The following MYO3B variants were observed in gnomAD, a reference collection of about 807,000 sequenced individuals.
The protein encoded by MYO3B is myosin-IIIb.
A neutral mutation model predicts 174.6 loss-of-function variants in MYO3B; 156 were observed. That is an observed-to-expected ratio of 0.89 (90% CI 0.78 to 1.02). MYO3B has a LOEUF of 1.02. MYO3B is among the 50% of genes least tolerant of loss of function. MYO3B has a pLI of 0.00. For synonymous variants in MYO3B, 563 were observed against 569.1 expected, an observed-to-expected ratio of 0.99 and a Z score of 0.15; for missense variants, 1,632 against 1,639.4, an observed-to-expected ratio of 1.00 and a Z score of 0.08.
intron 32 of MYO3B, among the ~76,000 whole-genome samples, chr2:170,606,555 G>A (rs1203352113): frequency 6.6e-6 from 1 of 152,138 alleles, no homozygotes; most frequent in Non-Finnish European, 1.5e-5. Flanking sequence ...TCCATCACTA[G>A]AATGAATGAA....
In MYO3B at chr2:170,509,046, A is replaced by G. The variant is rs188046608; in HGVS notation, c.3371-5875A>G. Among the ~76,000 whole-genome samples, 325 of 152,282 alleles carry G rather than the reference A, an allele frequency of 2.1e-3. 3 individuals carry two copies. The highest frequency in any genetic ancestry group is 7.3e-3 in the African/African-American group (304 of 41,532). On this transcript the variant is annotated intron_variant, in intron 28 of 34. Transcript: ENST00000408978. ...AAAAAAGTCTGTGAAATACTCTTCT[A>G]TGGAGGACATAATAATGCTGTAACT...
chr2:170,357,961 T>C (rs1261577406), intron 8 of MYO3B, among the ~76,000 whole-genome samples: 1 of 152,188 alleles, frequency 6.6e-6, no homozygotes, highest in East Asian at 1.9e-4. Context: ...GAGACCAGGC[T>C]GACCAACATG....
chr2:170,490,526 G>A (rs1413695431), intron 25 of MYO3B, among the ~76,000 whole-genome samples: 1 of 147,786 alleles, frequency 6.8e-6, no homozygotes, highest in African/African-American at 2.7e-5. Flanking sequence ...AAACATGGAT[G>A]TTATTTTTTT....
At chr2:170,439,269 G>C (rs1373474420) in intron 22 of MYO3B, among the ~76,000 whole-genome samples, 2 of 151,832 alleles carry the variant, frequency 1.3e-5, no homozygotes, top group Admixed American at 6.6e-5. Flanking sequence ...CTACTCAGGA[G>C]GCTGAGGCAG....
chr2:170,646,885 A>G, intron 32 of MYO3B: 3 of 1,342,326 alleles, frequency 2.2e-6, no homozygotes, highest in South Asian at 2.3e-5. Context: ...TTTTCTAACT[A>G]TATTTCTCTG....
intron 25 of MYO3B, among the ~76,000 whole-genome samples, chr2:170,482,791 C>G (rs1204121591): frequency 6.6e-6 from 1 of 152,212 alleles, no homozygotes; most frequent in African/African-American, 2.4e-5. Context: ...AAAATCACTT[C>G]CCCAAGGTAT....
chr2:170,384,093 A>G (rs1027383637), intron 12 of MYO3B, among the ~76,000 whole-genome samples: 1 of 152,216 alleles, frequency 6.6e-6, no homozygotes, highest in African/African-American at 2.4e-5. Flanking sequence ...TATGAATATG[A>G]TGAGAACAGT....
At chr2:170,286,922 T>C (rs910717486) in intron 7 of MYO3B, among the ~76,000 whole-genome samples, 14 of 152,080 alleles carry the variant, frequency 9.2e-5, no homozygotes, top group African/African-American at 3.4e-4. Flanking sequence ...TAATTTACTC[T>C]CTGTCTTTAT....
At chr2:170,442,176 C>A (rs2094805596) in intron 22 of MYO3B, among the ~76,000 whole-genome samples, 1 of 151,970 alleles carries the variant, frequency 6.6e-6, no homozygotes, top group Non-Finnish European at 1.5e-5. Flanking sequence ...TGAATTTATG[C>A]TTACTTTATA....
chr2:170,264,675 T>C (rs1398999133), intron 7 of MYO3B, among the ~76,000 whole-genome samples: 1 of 152,144 alleles, frequency 6.6e-6, no homozygotes, highest in African/African-American at 2.4e-5. Flanking sequence ...TATGGCAAAA[T>C]ACCCTGATAT....
At chr2:170,573,405 C>T (rs1692576917) in intron 32 of MYO3B, among the ~76,000 whole-genome samples, 1 of 151,998 alleles carries the variant, frequency 6.6e-6, no homozygotes, top group South Asian at 2.1e-4. Flanking sequence ...CTTCCAAAAA[C>T]AGCTGCATAT....
At chr2:170,274,461 T>G (rs376560433) in intron 7 of MYO3B, among the ~76,000 whole-genome samples, 1 of 152,210 alleles carries the variant, frequency 6.6e-6, no homozygotes, top group South Asian at 2.1e-4. Context: ...CACTGTGTTC[T>G]CAGTTCCACA....
intron 32 of MYO3B, among the ~76,000 whole-genome samples, chr2:170,554,327 G>T (rs1045121337): frequency 1.3e-5 from 2 of 152,210 alleles, no homozygotes; most frequent in Non-Finnish European, 2.9e-5. Flanking sequence ...TCCCTTGAAA[G>T]AATCAGGATG....
chr2:170,393,932 A>G (rs1424099583), intron 16 of MYO3B, among the ~76,000 whole-genome samples: 5 of 152,210 alleles, frequency 3.3e-5, no homozygotes. Flanking sequence ...CTTAAAGAAC[A>G]GGTTTTTTAA....
At chr2:170,273,323 C>G (rs916725456) in intron 7 of MYO3B, among the ~76,000 whole-genome samples, 2 of 152,094 alleles carry the variant, frequency 1.3e-5, no homozygotes, top group African/African-American at 2.4e-5. Flanking sequence ...CTAGGGATCT[C>G]AGAATGCTGA....
chr2:170,605,129 C>T (rs1291185029), intron 32 of MYO3B, among the ~76,000 whole-genome samples: 1 of 152,214 alleles, frequency 6.6e-6, no homozygotes, highest in Non-Finnish European at 1.5e-5. Context: ...TCCAGGGCAT[C>T]TTCTCTGTCC....
chr2:170,262,000 G>A (rs1226682350), intron 7 of MYO3B, among the ~76,000 whole-genome samples: 1 of 152,214 alleles, frequency 6.6e-6, no homozygotes, highest in Non-Finnish European at 1.5e-5. Flanking sequence ...GTCAGGCAGA[G>A]CTTCTGCCCT....
chr2:170,512,932 A>G (rs1688073369), intron 28 of MYO3B, among the ~76,000 whole-genome samples: 1 of 152,208 alleles, frequency 6.6e-6, no homozygotes, highest in Non-Finnish European at 1.5e-5. Context: ...TAAAATGGGA[A>G]TAAAGTAGTC....
At chr2:170,560,690 C>T (rs80119249) in intron 32 of MYO3B, among the ~76,000 whole-genome samples, 2,650 of 152,240 alleles carry the variant, frequency 0.017, 64 homozygotes, top group East Asian at 0.088. Flanking sequence ...TCAAAGGAGC[C>T]GTTTTTATGC....
Sources: gnomAD v4.1 joint callset for allele counts (sites outside exome capture counted in the v4.1 genomes callset) on GRCh38, gnomAD v4.1.1 for gene constraint, MANE v1.5 for transcripts, NCBI Gene and HGNC (gene_info 2026-07-23, HGNC 2026-07-21) for gene names.